The following CIB2 variants were observed in gnomAD, a reference collection of about 807,000 sequenced individuals.
CIB2 encodes the protein calcium and integrin-binding family member 2.
CIB2 carries 19 observed loss-of-function variants against 23.1 expected under a neutral mutation model. The ratio of observed to expected loss-of-function variants is 0.82; its 90% CI spans 0.57 to 1.21. The LOEUF (loss-of-function observed/expected upper bound fraction) is 1.21. Among genes scored for constraint, CIB2 ranks in the 50% most tolerant of loss-of-function variants. The pLI is 0.00. For synonymous variants in CIB2, 94 were observed against 91.7 expected, an observed-to-expected ratio of 1.03 and a Z score of -0.14; for missense variants, 220 against 241.5, an observed-to-expected ratio of 0.91 and a Z score of 0.59.
intron 2 of CIB2, among the ~76,000 whole-genome samples, chr15:78,113,003 C>G (rs1447677690): frequency 6.6e-6 from 1 of 152,204 alleles, no homozygotes. Flanking sequence ...TTATTTTAAT[C>G]CCCAAATCAC....
chr15:78,122,974 G>C (rs931112365), intron 2 of CIB2, among the ~76,000 whole-genome samples: 1 of 152,226 alleles, frequency 6.6e-6, no homozygotes, highest in Non-Finnish European at 1.5e-5. Context: ...CTGGCTTTTA[G>C]TGCCACCCAG....
At chr15:78,106,628 CTCT>C (rs1015972324) in intron 4 of CIB2, among the ~76,000 whole-genome samples, 13 of 152,302 alleles carry the variant, frequency 8.5e-5, no homozygotes, top group African/African-American at 2.9e-4. Context: ...AGTGAACTCT[CTCT>C]TCTTACATTT....
At chr15:78,115,417 A>G (rs1470214156) in intron 2 of CIB2, among the ~76,000 whole-genome samples, 3 of 151,634 alleles carry the variant, frequency 2.0e-5, no homozygotes, top group Non-Finnish European at 4.4e-5. Context: ...ATGCGACCAC[A>G]CTCGGCTGAT....
intron 3 of CIB2, 119 bp from the exon 4 acceptor site, chr15:78,109,501 T>C (rs1487442276): frequency 2.7e-6 from 3 of 1,096,922 alleles, no homozygotes; most frequent in Admixed American, 1.8e-5. Context: ...TGAGCCTCGG[T>C]TTCCCCATCT....
At position 78,123,745 on chromosome 15, in the gene CIB2, G is replaced by A. The variant is rs1309574358; in HGVS notation, c.52-6C>T. The A allele has an allele frequency of 3.1e-6, 5 of 1,614,028 alleles. No individual in the cohort carries two copies. Among genetic ancestry groups the A allele is most frequent in the Non-Finnish European group, 4.2e-6 (5 of 1,179,992 alleles). On this transcript the variant is annotated splice_polypyrimidine_tract_variant and splice_region_variant and intron_variant, in intron 1 of 5. Coordinates refer to ENST00000258930, the MANE Select transcript of CIB2 (RefSeq NM_006383.4). ...TTATTGAAGAAGGTGCAGTCCTGTT[G>A]AGGGAAAACACACAACACACAGTCA...
In CIB2 at chr15:78,105,253, C is replaced by A. The variant is rs752056574; in HGVS notation, c.*58G>T. Reference sequence around the variant, plus strand: ...TCCTGGGGAGCTTGGAGGCCACACCCATGTGACTGCAGGGCAGGATGGTGG... The same window carrying A: ...TCCTGGGGAGCTTGGAGGCCACACCAATGTGACTGCAGGGCAGGATGGTGG... On this transcript the variant is annotated 3_prime_UTR_variant, in exon 6 of 6. Transcript: ENST00000258930. The A allele has an allele frequency of 1.4e-5, 23 of 1,610,966 alleles. No individual in the cohort carries two copies. The highest frequency in any genetic ancestry group is 1.9e-5 in the Non-Finnish European group (22 of 1,178,156).
At position 78,111,209 on chromosome 15, in the gene CIB2, C is replaced by A; in HGVS notation, c.154G>T (p.Val52Phe). 2 of 1,614,160 alleles carry A rather than the reference C, an allele frequency of 1.2e-6. No individual in the cohort carries two copies. Among genetic ancestry groups the A allele is most frequent in the Non-Finnish European group, 1.7e-6 (2 of 1,180,020 alleles). Residue 52 changes from valine to phenylalanine, a missense_variant, in exon 3 of 6, where the codon GTC becomes TTC. By Grantham distance (50) the Val-to-Phe change is conservative. Transcript: ENST00000258930. ...ATGATGAGGCTCATGGGCACGTGGA[C>A]GATGGGGCTCTTCCTGTAGTCCATT... ...VPMDYRKSPI[V>F]HVPMSLIIQM...
In CIB2 at chr15:78,123,717, T is replaced by G; in HGVS notation, c.74A>C (p.Lys25Thr). ...AAGCCACACTTACTTGAGGATGTCC[T>G]TCTTATTGAAGAAGGTGCAGTCCTG... ...NYQDCTFFNK[K>T]DILKLHSRFY... The change falls in exon 2 of 6, where the codon AAG (lysine) becomes ACG (threonine). Residue 25 changes from lysine to threonine, a missense_variant. Transcript: ENST00000258930. 2 of 1,614,102 alleles carry G rather than the reference T, an allele frequency of 1.2e-6. No individual in the cohort carries two copies. The highest frequency in any genetic ancestry group is 2.2e-5 in the South Asian group (2 of 91,080).
chr15:78,107,722 CGGATGTTGGGT>C (rs2074092456), intron 4 of CIB2, among the ~76,000 whole-genome samples: 1 of 152,142 alleles, frequency 6.6e-6, no homozygotes, highest in Non-Finnish European at 1.5e-5. Flanking sequence ...CAAGACCGGG[CGGATGTTGGGT>C]GGAATCTGAG....
chr15:78,129,741 C>A (rs139623841), intron 1 of CIB2, among the ~76,000 whole-genome samples: 25 of 152,160 alleles, frequency 1.6e-4, no homozygotes, highest in African/African-American at 5.8e-4. Flanking sequence ...CATGGCCCAG[C>A]CCAGCCCACT....
intron 2 of CIB2, among the ~76,000 whole-genome samples, chr15:78,123,416 G>A (rs2074344113): frequency 6.6e-6 from 1 of 152,134 alleles, no homozygotes; most frequent in Non-Finnish European, 1.5e-5. Context: ...GGATTCTCTT[G>A]TTACAAGGTC....
chr15:78,123,596 C>T, intron 2 of CIB2, 109 bp downstream of exon 2: 1 of 1,131,388 alleles, frequency 8.8e-7, no homozygotes, highest in Non-Finnish European at 1.3e-6. Context: ...CTGATACATG[C>T]TGATGCTCTG....
At chr15:78,112,347 A>G (rs2074173380) in intron 2 of CIB2, among the ~76,000 whole-genome samples, 1 of 152,152 alleles carries the variant, frequency 6.6e-6, no homozygotes, top group Non-Finnish European at 1.5e-5. Flanking sequence ...TGGGAGGACC[A>G]CTTGAGGCCC....
intron 1 of CIB2, among the ~76,000 whole-genome samples, chr15:78,127,934 C>T (rs2074403088): frequency 6.6e-6 from 1 of 152,240 alleles, no homozygotes; most frequent in Non-Finnish European, 1.5e-5. Context: ...ACAGCATCAA[C>T]TACCCAGCTG....
At chr15:78,127,812 C>T (rs370017138) in intron 1 of CIB2, among the ~76,000 whole-genome samples, 4 of 152,312 alleles carry the variant, frequency 2.6e-5, no homozygotes, top group African/African-American at 7.2e-5. Context: ...CTCCAGTGAT[C>T]TTAGTTGATC....
Position 78,109,236 on chromosome 15 carries a change from A to G in CIB2, c.345T>C (p.Tyr115=). The G allele has an allele frequency of 7.0e-7, 1 of 1,429,052 alleles. No homozygotes were observed. Among genetic ancestry groups the G allele is most frequent in the Non-Finnish European group, 9.4e-7 (1 of 1,062,928 alleles). 88.5% of individuals were successfully genotyped at this position (1,429,052 alleles called of 1,614,324 possible). The change falls in exon 4 of 6, where the codon TAT becomes TAC. Residue 115 remains tyrosine (Y), a splice_region_variant and synonymous_variant. Coordinates refer to ENST00000258930, the MANE Select transcript of CIB2 (RefSeq NM_006383.4). The stretch of plus-strand genomic sequence containing the variant: ...GCCCCCTCCTCTAGCCCTGGTTACC[A>G]TAGATCTTGAAGGCATAGTTTGCCT... ...ELKANYAFKI[Y]DFNTDNFICK... is the part of the protein sequence containing the mutation.
At position 78,117,464 on chromosome 15, in the gene CIB2, G is replaced by A. The variant is rs1042724389; in HGVS notation, c.87-6188C>T. ...GGTAGATCCCAATGTAAATGAGAAT[G>A]AGCCCATGACACAGCATTTGAAATC... On this transcript the variant is annotated intron_variant, in intron 2 of 5. Transcript: ENST00000258930. 7.9e-5 allele frequency among the ~76,000 whole-genome samples: 12 copies of A among 152,098 alleles called. No individual in the cohort carries two copies. The East Asian group carries it at 1.3e-3, about 17-fold the overall frequency.
intron 4 of CIB2, among the ~76,000 whole-genome samples, chr15:78,106,142 C>A (rs1279187682): frequency 6.6e-6 from 1 of 152,222 alleles, no homozygotes; most frequent in African/African-American, 2.4e-5. Context: ...CATCCACCAC[C>A]AACAACAACC....
chr15:78,109,622 G>A (rs1388945712), intron 3 of CIB2: 3 of 547,536 alleles, frequency 5.5e-6, no homozygotes, highest in Non-Finnish European at 9.9e-6. Context: ...AGCTCAGGAA[G>A]CATTCTACTG....
Sources: gnomAD v4.1 joint callset for allele counts (sites outside exome capture counted in the v4.1 genomes callset) on GRCh38, gnomAD v4.1.1 for gene constraint, MANE v1.5 for transcripts, NCBI Gene and HGNC (gene_info 2026-07-23, HGNC 2026-07-21) for gene names.